Variants in FNIP2 observed in about 807,000 individuals in gnomAD.
FNIP2 encodes folliculin-interacting protein 2.
A neutral mutation model predicts 108.7 loss-of-function variants in FNIP2; 32 were observed. The observed-to-expected ratio is 0.29, with a 90% CI of 0.22 to 0.40. The LOEUF (loss-of-function observed/expected upper bound fraction) is 0.40, where lower values mean the gene tolerates loss of function less well. Ranked by LOEUF, FNIP2 falls within the 10% of genes least tolerant of loss-of-function variation. The pLI is 1.00. For missense variants in FNIP2, 1,202 were observed against 1,381.6 expected, an observed-to-expected ratio of 0.87 and a Z score of 2.06; for synonymous variants, 480 against 496.7, an observed-to-expected ratio of 0.97 and a Z score of 0.45.
At chr4:158,890,537 C>T (rs1782227015) in intron 14 of FNIP2, among the ~76,000 whole-genome samples, 1 of 152,162 alleles carries the variant, frequency 6.6e-6, no homozygotes, top group Non-Finnish European at 1.5e-5. Context: ...TTGCAGCCTT[C>T]CCACTACTTG....
At chr4:158,895,451 T>G (rs1053652345) in intron 15 of FNIP2, among the ~76,000 whole-genome samples, 3 of 152,246 alleles carry the variant, frequency 2.0e-5, no homozygotes, top group African/African-American at 7.2e-5. Context: ...ATAAAGTTTT[T>G]TAAAGGCAAG....
intron 1 of FNIP2, among the ~76,000 whole-genome samples, chr4:158,784,696 A>G (rs1435735686): frequency 6.6e-6 from 1 of 152,164 alleles, no homozygotes; most frequent in Non-Finnish European, 1.5e-5. Context: ...TCGCACTACT[A>G]TGAGAATCCA....
At chr4:158,786,287 A>T (rs2126439251) in intron 1 of FNIP2, among the ~76,000 whole-genome samples, 1 of 152,266 alleles carries the variant, frequency 6.6e-6, no homozygotes, top group African/African-American at 2.4e-5. Flanking sequence ...TCTGGACCTG[A>T]TCCAGTTCTG....
At chr4:158,807,872 G>A (rs549202498) in intron 1 of FNIP2, among the ~76,000 whole-genome samples, 59 of 152,288 alleles carry the variant, frequency 3.9e-4, no homozygotes, top group African/African-American at 1.4e-3. Flanking sequence ...TAGAGGAGGA[G>A]GTAATGATAT....
chr4:158,798,445 T>C (rs902099694), intron 1 of FNIP2, among the ~76,000 whole-genome samples: 3 of 152,214 alleles, frequency 2.0e-5, no homozygotes, highest in African/African-American at 7.2e-5. Context: ...TCCCACTGAA[T>C]ATTCCCTATT....
At chr4:158,845,503 A>T (rs1779351965) in intron 7 of FNIP2, among the ~76,000 whole-genome samples, 1 of 152,230 alleles carries the variant, frequency 6.6e-6, no homozygotes, top group South Asian at 2.1e-4. Context: ...GGCTTGAGCT[A>T]TCCTCCTGCC....
rs200788960 is a variant in FNIP2, at chr4:158,869,098, C to T, written c.2462C>T (p.Thr821Ile). ...GQLSHAADLG[T>I]ASHGAGGTGG... is the part of the protein sequence containing the mutation. ...CTCAGCCACGCTGCTGACTTGGGCA[C>T]AGCCTCCCACGGTGCAGGAGGAACG... The change falls in exon 13 of 17, where the codon ACA (threonine) becomes ATA (isoleucine). Residue 821 changes from threonine to isoleucine, a missense_variant. This residue lies in a region of FNIP2 where 878 missense variants were observed against 990.3 expected (regional missense o/e 0.89). Transcript: ENST00000264433. 352 of 1,613,878 alleles carry T rather than the reference C, an allele frequency of 2.2e-4. No individual in the cohort carries two copies. Among genetic ancestry groups the T allele is most frequent in the Non-Finnish European group, 2.3e-4 (267 of 1,179,882 alleles).
chr4:158,809,702 C>G (rs967997078), intron 1 of FNIP2, among the ~76,000 whole-genome samples: 1 of 152,136 alleles, frequency 6.6e-6, no homozygotes, highest in African/African-American at 2.4e-5. Flanking sequence ...AGAAAACTTG[C>G]CATGTCTTTA....
At chr4:158,801,997 T>A (rs941077456) in intron 1 of FNIP2, among the ~76,000 whole-genome samples, 1 of 152,200 alleles carries the variant, frequency 6.6e-6, no homozygotes, top group Non-Finnish European at 1.5e-5. Flanking sequence ...GCACACCCCC[T>A]TACCTTAATC....
intron 1 of FNIP2, among the ~76,000 whole-genome samples, chr4:158,785,710 C>CTT (rs11399957): frequency 0.016 from 2,287 of 144,128 alleles, 54 homozygotes; most frequent in African/African-American, 0.054. Flanking sequence ...TTCTTTCTTT[C>CTT]TTTTTTTTTT....
intron 14 of FNIP2, among the ~76,000 whole-genome samples, chr4:158,883,503 A>G (rs1455951143): frequency 6.6e-6 from 1 of 152,140 alleles, no homozygotes; most frequent in South Asian, 2.1e-4. Context: ...AGCCTCCCAA[A>G]AGCCTGGGAT....
intron 7 of FNIP2, among the ~76,000 whole-genome samples, chr4:158,846,965 T>C (rs989217780): frequency 6.6e-6 from 1 of 152,110 alleles, no homozygotes; most frequent in African/African-American, 2.4e-5. Context: ...AGAAAGGGAA[T>C]CTGTGCACTT....
chr4:158,874,073 G>C (rs1358992947), intron 14 of FNIP2, among the ~76,000 whole-genome samples: 1 of 152,220 alleles, frequency 6.6e-6, no homozygotes, highest in African/African-American at 2.4e-5. Context: ...TTGATGGCTT[G>C]AGTTTGAGTC....
In FNIP2 at chr4:158,872,490, C is replaced by A. The variant is rs187153793; in HGVS notation, c.2949+2021C>A. The A allele has an allele frequency of 3.1e-5, 31 of 985,354 alleles. No homozygotes were observed. The African/African-American group carries it at 5.2e-4, about 17-fold the overall frequency. 61.0% of individuals were successfully genotyped at this position (985,354 alleles called of 1,614,324 possible). ...TCTTTATGCAATCACCCTGAGAGAT[C>A]GAAAGTTATTAAGCATAATAACCTA... On this transcript the variant is annotated intron_variant, in intron 14 of 16. Coordinates refer to ENST00000264433, the MANE Select transcript of FNIP2 (RefSeq NM_020840.3).
chr4:158,784,981 C>T (rs1287659420), intron 1 of FNIP2, among the ~76,000 whole-genome samples: 2 of 151,938 alleles, frequency 1.3e-5, no homozygotes, highest in Admixed American at 6.6e-5. Flanking sequence ...AAGTACAGTA[C>T]GTTAGTAGGA....
chr4:158,847,474 A>G (rs1321940718), intron 7 of FNIP2, among the ~76,000 whole-genome samples: 2 of 152,080 alleles, frequency 1.3e-5, no homozygotes, highest in South Asian at 2.1e-4. Flanking sequence ...CCCAGACAAC[A>G]TTTTCAGACA....
At chr4:158,823,519 G>A (rs1777999241) in intron 1 of FNIP2, among the ~76,000 whole-genome samples, 1 of 152,148 alleles carries the variant, frequency 6.6e-6, no homozygotes, top group Non-Finnish European at 1.5e-5. Context: ...CAAGTGTTCT[G>A]CCTGCCTCGG....
chr4:158,902,363 G>A (rs914888307), intron 16 of FNIP2, among the ~76,000 whole-genome samples: 6 of 152,078 alleles, frequency 3.9e-5, no homozygotes, highest in Admixed American at 1.3e-4. Flanking sequence ...TGGAAGCTTC[G>A]TCCCAGAGGG....
chr4:158,851,923 A>C (rs530210398), intron 8 of FNIP2, among the ~76,000 whole-genome samples: 44 of 152,346 alleles, frequency 2.9e-4, no homozygotes, highest in Middle Eastern at 3.4e-3. Flanking sequence ...GATGGCATCT[A>C]GGTATTTTCT....
Sources: gnomAD v4.1 joint callset for allele counts (sites outside exome capture counted in the v4.1 genomes callset) on GRCh38, gnomAD v4.1.1 for gene constraint, gnomAD v4.1.1 regional missense constraint, MANE v1.5 for transcripts, NCBI Gene and HGNC (gene_info 2026-07-23, HGNC 2026-07-21) for gene names.